MYO3A: variants seen among roughly 807,000 people sequenced by gnomAD.
The protein encoded by MYO3A is myosin-IIIa.
A neutral mutation model predicts 192.7 loss-of-function variants in MYO3A; 180 were observed. The ratio of observed to expected loss-of-function variants is 0.93; its 90% CI spans 0.83 to 1.06. MYO3A has a LOEUF of 1.06. Among genes scored for constraint, MYO3A ranks in the 50% least tolerant of loss-of-function variants. MYO3A has a pLI of 0.00. For missense variants in MYO3A, 1,896 were observed against 1,905.0 expected (o/e 1.00, Z 0.09); for synonymous variants, 628 against 645.3 (o/e 0.97, Z 0.41).
chr10:26,198,553 G>A (rs1328075476), intron 32 of MYO3A, among the ~76,000 whole-genome samples: 1 of 152,170 alleles, frequency 6.6e-6, no homozygotes, highest in African/African-American at 2.4e-5. Context: ...TCAACGTTTA[G>A]CTCCTTCATC....
chr10:26,064,318 G>A (rs61849344), intron 10 of MYO3A, among the ~76,000 whole-genome samples: 1 of 151,936 alleles, frequency 6.6e-6, no homozygotes, highest in East Asian at 1.9e-4. Flanking sequence ...AAAGCTGTGA[G>A]GTAGAAGCAT....
At chr10:25,945,712 T>G (rs1352541187) in intron 2 of MYO3A, among the ~76,000 whole-genome samples, 1 of 152,160 alleles carries the variant, frequency 6.6e-6, no homozygotes, top group African/African-American at 2.4e-5. Flanking sequence ...CCAATCTGTT[T>G]TTTGATTGGA....
chr10:25,983,439 A>G (rs1303412509), intron 4 of MYO3A, among the ~76,000 whole-genome samples: 2 of 151,876 alleles, frequency 1.3e-5, no homozygotes, highest in African/African-American at 4.8e-5. Flanking sequence ...TTGTATTTTT[A>G]ATAGAGACGG....
chr10:26,172,070 AT>A (rs770433160), intron 29 of MYO3A, among the ~76,000 whole-genome samples: 3 of 152,218 alleles, frequency 2.0e-5, no homozygotes, highest in Non-Finnish European at 1.5e-5. Flanking sequence ...TGGGAGGTGG[AT>A]GACAAAGTCA....
chr10:25,943,768 TTGTGTGTGTG>T (rs58905708), intron 2 of MYO3A, among the ~76,000 whole-genome samples: 4 of 142,590 alleles, frequency 2.8e-5, no homozygotes, highest in Admixed American at 2.1e-4. Flanking sequence ...GTTCTAACAT[TTGTGTGTGTG>T]TGTGTGTGTG....
Position 26,026,469 on chromosome 10 carries a change from T to A in MYO3A, c.890T>A (p.Leu297Gln). Residue 297 changes from leucine (L) to glutamine (Q), a missense_variant, in exon 10 of 35, where the codon CTA (leucine) becomes CAA (glutamine). Coordinates refer to ENST00000642920, the MANE Select transcript of MYO3A (RefSeq NM_017433.5). ...CAAATTGAGGGCAAAGATGTGATGC[T>A]ACAAAAACAACTAACGGAATTCATT... ...ITQIEGKDVM[L>Q]QKQLTEFIGI... 6.2e-7 allele frequency: 1 copy of A among 1,614,154 alleles called. No homozygotes were observed. The highest frequency in any genetic ancestry group is 8.5e-7 in the Non-Finnish European group (1 of 1,180,012).
chr10:26,120,495 C>A (rs1337463738), intron 17 of MYO3A, among the ~76,000 whole-genome samples, 181 bp from the exon 18 acceptor site: 1 of 152,016 alleles, frequency 6.6e-6, no homozygotes, highest in Non-Finnish European at 1.5e-5. Context: ...ACTATGCTAA[C>A]CTCTGAGGTT....
rs1412624643 is a variant in MYO3A at position 25,997,222 on chromosome 10, T to C, written c.472T>C (p.Leu158=). ...AGATGTGAAAGGCAATAACATTCTA[T>C]TGACCACGGAAGGTGGAGTGAAACT... is the stretch of plus-strand genomic sequence containing the variant. ...HRDVKGNNIL[L]TTEGGVKLVD... The change falls in exon 6 of 35, where the codon TTG becomes CTG. Residue 158 remains leucine, a synonymous_variant. Coordinates refer to ENST00000642920, the MANE Select transcript of MYO3A (RefSeq NM_017433.5). 1.1e-5 allele frequency: 17 copies of C among 1,613,468 alleles called. No individual in the cohort carries two copies. Among genetic ancestry groups the C allele is most frequent in the Admixed American group, 8.3e-5 (5 of 60,006 alleles).
Position 26,166,050 on chromosome 10 carries a change from C to T in MYO3A, c.3000-17C>T. ...GCACTTTATGCAATACTAACCAGCC[C>T]TTTTTTCCATTCCAAGGTACTACCT... On this transcript the variant is annotated splice_polypyrimidine_tract_variant and intron_variant, in intron 26 of 34. Coordinates refer to ENST00000642920, the MANE Select transcript of MYO3A (RefSeq NM_017433.5). The T allele has an allele frequency of 6.2e-7, 1 of 1,608,198 alleles. No homozygotes were observed. The highest frequency in any genetic ancestry group is 8.5e-7 in the Non-Finnish European group (1 of 1,174,648).
Position 26,001,272 on chromosome 10 carries a change from A to G in MYO3A, c.508+4014A>G, listed in dbSNP as rs76551654. ...GAGGGGCAGAATGATCAGATAGTGG[A>G]AAGACTCAAGTTAGCTTTTCCAAAC... On this transcript the variant is annotated intron_variant, in intron 6 of 34. Transcript: ENST00000642920. Among the ~76,000 whole-genome samples, 99 of 149,418 alleles carry G rather than the reference A, an allele frequency of 6.6e-4. 5 individuals are homozygous for G. In the East Asian group the frequency reaches 0.019, roughly 29 times the overall value.
chr10:25,994,425 T>C (rs918749004), intron 4 of MYO3A, among the ~76,000 whole-genome samples: 3 of 152,228 alleles, frequency 2.0e-5, no homozygotes, highest in Non-Finnish European at 4.4e-5. Flanking sequence ...ATGAGATGGG[T>C]CTCCTGAATA....
intron 11 of MYO3A, among the ~76,000 whole-genome samples, chr10:26,068,211 C>T (rs933928151): frequency 1.3e-4 from 20 of 152,018 alleles, no homozygotes; most frequent in African/African-American, 4.1e-4. Flanking sequence ...ATCTTTTGCT[C>T]CTCTCTTGTG....
chr10:25,976,594 A>G (rs1043181524), intron 4 of MYO3A, among the ~76,000 whole-genome samples: 1 of 152,112 alleles, frequency 6.6e-6, no homozygotes, highest in African/African-American at 2.4e-5. Flanking sequence ...ATATAATATT[A>G]TACCTTTTGA....
At chr10:26,150,813 C>T (rs1177817886) in intron 23 of MYO3A, among the ~76,000 whole-genome samples, 1 of 151,554 alleles carries the variant, frequency 6.6e-6, no homozygotes, top group Non-Finnish European at 1.5e-5. Context: ...CTTTTTCTTT[C>T]TCGTTTATCT....
At chr10:26,149,164 CT>C (rs201456130) in intron 23 of MYO3A, among the ~76,000 whole-genome samples, 12 of 147,230 alleles carry the variant, frequency 8.2e-5, no homozygotes, top group South Asian at 2.2e-4. Flanking sequence ...GGAGAAGTTA[CT>C]TTTTTTTTTA....
Position 26,192,747 on chromosome 10 carries a change from AG to A in MYO3A, c.4439-456del, listed in dbSNP as rs1173735383. Among the ~76,000 whole-genome samples, 2 of 145,864 alleles carry A rather than the reference AG, an allele frequency of 1.4e-5. 1 individual carries two copies. Among genetic ancestry groups the A allele is most frequent in the East Asian group, 4.2e-4 (2 of 4,804 alleles). On this transcript the variant is annotated intron_variant, in intron 31 of 34. Transcript: ENST00000642920. ...TTACTCATTGCAACCTCTGCCTCCC[AG>A]GTTCAAGCAATTCTCCTGCCTCAGC...
chr10:26,093,607 T>C (rs1042628199), intron 15 of MYO3A, among the ~76,000 whole-genome samples: 4 of 152,198 alleles, frequency 2.6e-5, no homozygotes, highest in Non-Finnish European at 4.4e-5. Flanking sequence ...TCTTCTGTTT[T>C]AGATTTATCC....
chr10:26,012,500 C>G (rs946390236), intron 6 of MYO3A, among the ~76,000 whole-genome samples: 1 of 151,810 alleles, frequency 6.6e-6, no homozygotes, highest in African/African-American at 2.4e-5. Flanking sequence ...TAGCTGCAAA[C>G]AAAATAAAAA....
At chr10:26,187,564 A>G (rs1439319276) in intron 31 of MYO3A, among the ~76,000 whole-genome samples, 1 of 151,640 alleles carries the variant, frequency 6.6e-6, no homozygotes, top group Non-Finnish European at 1.5e-5. Context: ...ATATATATAC[A>G]TGTGCCATGT....
Sources: allele counts gnomAD v4.1 joint callset (sites outside exome capture counted in the v4.1 genomes callset), GRCh38; gene constraint gnomAD v4.1.1; transcripts MANE v1.5; gene names NCBI Gene and HGNC (gene_info 2026-07-23, HGNC 2026-07-21).